CDK19: variants seen among roughly 807,000 people sequenced by gnomAD.
The protein encoded by CDK19 is cyclin-dependent kinase 19.
A neutral mutation model predicts 68.3 loss-of-function variants in CDK19; 20 were observed. The ratio of observed to expected loss-of-function variants is 0.29; its 90% confidence interval spans 0.21 to 0.43. The LOEUF (loss-of-function observed/expected upper bound fraction) is 0.43. Ranked by LOEUF, CDK19 falls within the 20% of genes least tolerant of loss-of-function variation. The pLI, the probability that CDK19 is intolerant of heterozygous loss-of-function variation, is 1.00. For synonymous variants in CDK19, 221 were observed against 222.8 expected (o/e 0.99, Z 0.07); for missense variants, 339 against 623.5 (o/e 0.54, Z 4.86).
chr6:110,739,619 G>A (rs1248582393), intron 2 of CDK19, among the ~76,000 whole-genome samples: 1 of 151,386 alleles, frequency 6.6e-6, no homozygotes, highest in Non-Finnish European at 1.5e-5. Flanking sequence ...ATATTTTATT[G>A]TATTTTATAT....
At chr6:110,772,597 T>G (rs1305547522) in intron 1 of CDK19, among the ~76,000 whole-genome samples, 4 of 152,228 alleles carry the variant, frequency 2.6e-5, no homozygotes, top group Non-Finnish European at 5.9e-5. Context: ...ACTAACTTTA[T>G]GTCTAAGAGT....
chr6:110,642,889 G>A (rs547416534), intron 4 of CDK19, among the ~76,000 whole-genome samples: 6 of 151,814 alleles, frequency 4.0e-5, no homozygotes, highest in Non-Finnish European at 5.9e-5. Flanking sequence ...AGGGAAAAGA[G>A]AGAAAAAGGA....
At chr6:110,635,536 C>T (rs1284826094) in intron 5 of CDK19, among the ~76,000 whole-genome samples, 2 of 152,134 alleles carry the variant, frequency 1.3e-5, no homozygotes, top group Non-Finnish European at 2.9e-5. Context: ...TTCTTACCCA[C>T]TCCCCCTCCC....
At chr6:110,804,539 C>T (rs949310117) in intron 1 of CDK19, among the ~76,000 whole-genome samples, 8 of 151,420 alleles carry the variant, frequency 5.3e-5, no homozygotes, top group African/African-American at 1.7e-4. Flanking sequence ...TTAGTAGAGA[C>T]GGGGTTTCAC....
At chr6:110,768,018 T>C (rs183773138) in intron 1 of CDK19, among the ~76,000 whole-genome samples, 58 of 152,274 alleles carry the variant, frequency 3.8e-4, no homozygotes, top group African/African-American at 1.3e-3. Context: ...CCCTCCTTTC[T>C]TGAGAGGAGC....
chr6:110,651,710 A>G (rs1780984547), intron 4 of CDK19, among the ~76,000 whole-genome samples: 1 of 152,214 alleles, frequency 6.6e-6, no homozygotes, highest in Admixed American at 6.5e-5. Flanking sequence ...CTGGCTTTCT[A>G]GAATATGTTT....
At chr6:110,718,115 C>A (rs141965148) in intron 2 of CDK19, among the ~76,000 whole-genome samples, 59 of 152,270 alleles carry the variant, frequency 3.9e-4, no homozygotes, top group African/African-American at 1.3e-3. Flanking sequence ...GCACCTTGAT[C>A]TTGACCCCAA....
At chr6:110,678,996 A>G (rs1213880367) in intron 2 of CDK19, among the ~76,000 whole-genome samples, 1 of 152,134 alleles carries the variant, frequency 6.6e-6, no homozygotes, top group African/African-American at 2.4e-5. Context: ...CTATAATACC[A>G]GCTTGGTTCC....
intron 1 of CDK19, among the ~76,000 whole-genome samples, chr6:110,793,703 T>C (rs1781748064): frequency 6.6e-6 from 1 of 152,208 alleles, no homozygotes. Context: ...CTCTAATCCA[T>C]AGAAGGCATT....
intron 5 of CDK19, among the ~76,000 whole-genome samples, chr6:110,637,288 G>A (rs763220225): frequency 6.6e-6 from 1 of 152,192 alleles, no homozygotes; most frequent in Non-Finnish European, 1.5e-5. Context: ...AAGAAAAGGA[G>A]TGCAAGAGTA....
intron 2 of CDK19, among the ~76,000 whole-genome samples, chr6:110,723,528 C>A (rs1776097068): frequency 6.6e-6 from 1 of 152,190 alleles, no homozygotes; most frequent in African/African-American, 2.4e-5. Context: ...AACCCCATCT[C>A]TAAAATTGGA....
intron 1 of CDK19, among the ~76,000 whole-genome samples, chr6:110,753,308 T>C (rs937146923): frequency 6.6e-6 from 1 of 152,144 alleles, no homozygotes; most frequent in Non-Finnish European, 1.5e-5. Flanking sequence ...AAATATTTAG[T>C]ATTTTAAAAG....
chr6:110,626,867 G>A, intron 7 of CDK19, 22 bp from the exon 8 acceptor site: 1 of 1,450,494 alleles, frequency 6.9e-7, no homozygotes, highest in Non-Finnish European at 9.4e-7. Context: ...ATTAAATATT[G>A]TTATAGAAAA....
intron 4 of CDK19, among the ~76,000 whole-genome samples, chr6:110,656,542 T>C (rs1376070230): frequency 6.6e-6 from 1 of 152,234 alleles, no homozygotes; most frequent in Non-Finnish European, 1.5e-5. Flanking sequence ...TATCTGTAAA[T>C]CAGGAGAAAC....
intron 1 of CDK19, among the ~76,000 whole-genome samples, chr6:110,771,046 G>A (rs1484869046): frequency 2.0e-5 from 3 of 152,146 alleles, no homozygotes; most frequent in Non-Finnish European, 4.4e-5. Context: ...TTCACGGGCT[G>A]GTGTTGAGTG....
At chr6:110,666,594 TAACTAG>T (rs942955710) in intron 4 of CDK19, among the ~76,000 whole-genome samples, 1 of 152,066 alleles carries the variant, frequency 6.6e-6, no homozygotes, top group Non-Finnish European at 1.5e-5. Flanking sequence ...CAACGGATAC[TAACTAG>T]ATCCTTTCGT....
intron 2 of CDK19, among the ~76,000 whole-genome samples, chr6:110,733,696 T>TTA (rs1202829903): frequency 6.6e-6 from 1 of 151,650 alleles, no homozygotes; most frequent in Non-Finnish European, 1.5e-5. Flanking sequence ...TTAATATATT[T>TTA]TATATATATC....
intron 11 of CDK19, 80 bp downstream of exon 11, chr6:110,622,008 A>C (rs1487807405): frequency 4.1e-6 from 3 of 726,450 alleles, no homozygotes; most frequent in African/African-American, 3.6e-5. Context: ...TTAAATGTAT[A>C]GGAATTATGG....
At chr6:110,755,314 A>G (rs1778761838) in intron 1 of CDK19, among the ~76,000 whole-genome samples, 1 of 152,130 alleles carries the variant, frequency 6.6e-6, no homozygotes, top group Non-Finnish European at 1.5e-5. Context: ...TGCTGGGATT[A>G]TAGGCGTGAG....
Sources: allele counts gnomAD v4.1 joint callset (sites outside exome capture counted in the v4.1 genomes callset), GRCh38; gene constraint gnomAD v4.1.1; transcripts MANE v1.5; gene names NCBI Gene and HGNC (gene_info 2026-07-23, HGNC 2026-07-21).